GPR176: variants seen among roughly 807,000 people sequenced by gnomAD.
GPR176 encodes G-protein coupled receptor 176.
Under a neutral mutation model 35.4 loss-of-function variants are expected in GPR176, and 26 were observed. The observed-to-expected ratio is 0.74, with a 90% CI of 0.54 to 1.02. The LOEUF (loss-of-function observed/expected upper bound fraction) is 1.02, where lower values mean the gene tolerates loss of function less well. Ranked by LOEUF, GPR176 falls within the 50% of genes least tolerant of loss-of-function variation. GPR176 has a pLI of 0.00. For missense variants in GPR176, 597 were observed against 665.3 expected, an observed-to-expected ratio of 0.90 and a Z score of 1.13; for synonymous variants, 278 against 271.3, an observed-to-expected ratio of 1.02 and a Z score of -0.24.
chr15:39,884,187 A>T (rs2032585772), intron 1 of GPR176, among the ~76,000 whole-genome samples: 1 of 152,200 alleles, frequency 6.6e-6, no homozygotes, highest in Non-Finnish European at 1.5e-5. Context: ...CTGACTTTTG[A>T]CATAATACTC....
intron 1 of GPR176, among the ~76,000 whole-genome samples, chr15:39,865,326 A>G (rs1291632034): frequency 6.6e-6 from 1 of 152,200 alleles, no homozygotes; most frequent in African/African-American, 2.4e-5. Context: ...ATAAATGAAT[A>G]AAGAAAATGT....
At chr15:39,895,962 ACTCT>A (rs748492842) in intron 1 of GPR176, among the ~76,000 whole-genome samples, 1 of 152,114 alleles carries the variant, frequency 6.6e-6, no homozygotes, top group African/African-American at 2.4e-5. Context: ...TTCAAGCAAA[ACTCT>A]CTTCCTAGAA....
At chr15:39,867,728 T>A (rs1351368601) in intron 1 of GPR176, among the ~76,000 whole-genome samples, 2 of 152,052 alleles carry the variant, frequency 1.3e-5, no homozygotes, top group Admixed American at 6.5e-5. Context: ...GGCATATTTA[T>A]GAGGTCAAAC....
chr15:39,883,415 GA>G (rs2032556070), intron 1 of GPR176, among the ~76,000 whole-genome samples: 1 of 151,966 alleles, frequency 6.6e-6, no homozygotes, highest in Non-Finnish European at 1.5e-5. Flanking sequence ...TGAGTAACAT[GA>G]AAAAAGCTAT....
At chr15:39,893,747 T>A (rs1421505824) in intron 1 of GPR176, among the ~76,000 whole-genome samples, 6 of 125,882 alleles carry the variant, frequency 4.8e-5, no homozygotes, top group Non-Finnish European at 6.8e-5. Context: ...CCCCCCCACC[T>A]CCCTCCCGGG....
chr15:39,811,022 C>T (rs1323298078), intron 1 of GPR176, among the ~76,000 whole-genome samples: 1 of 152,116 alleles, frequency 6.6e-6, no homozygotes, highest in Non-Finnish European at 1.5e-5. Context: ...TTAGGAAAGG[C>T]TTTTAACTAA....
At position 39,807,036 on chromosome 15, in the gene GPR176, A is replaced by G; in HGVS notation, c.395T>C (p.Ile132Thr). ...FLHKVFCSVT[I>T]LSFPAIALDR... Reference sequence around the variant, plus strand: ...CAAAGCAATAGCAGGGAAGCTGAGGATGGTCACAGAGCAGAATACTTTGTG... The same window carrying G: ...CAAAGCAATAGCAGGGAAGCTGAGGGTGGTCACAGAGCAGAATACTTTGTG... The change falls in exon 2 of 3, where the codon ATC (isoleucine) becomes ACC (threonine). Residue 132 changes from isoleucine (I) to threonine (T), a missense_variant. By Grantham distance (89) the Ile-to-Thr change is moderately conservative. This residue lies in a region of GPR176 where 220 missense variants were observed against 297.6 expected (regional missense o/e 0.74). Transcript: ENST00000561100. 3 of 1,613,538 alleles carry G rather than the reference A, an allele frequency of 1.9e-6. No homozygotes were observed. The highest frequency in any genetic ancestry group is 2.5e-6 in the Non-Finnish European group (3 of 1,179,692).
intron 1 of GPR176, among the ~76,000 whole-genome samples, chr15:39,893,293 G>C (rs1035556858): frequency 6.6e-6 from 1 of 152,006 alleles, no homozygotes; most frequent in African/African-American, 2.4e-5. Flanking sequence ...AGATTAGGGA[G>C]TGGTGATGAC....
chr15:39,806,997 T>C lies in GPR176; in HGVS notation c.425+9A>G. 1 of 1,573,660 alleles carries C rather than the reference T, an allele frequency of 6.4e-7. No individual in the cohort carries two copies. Among genetic ancestry groups the C allele is most frequent in the Non-Finnish European group, 8.6e-7 (1 of 1,165,228 alleles). ...AAAAAAAAGTTAGCTCCTGGCTACCTGATCTTACCTGTCCAAAGCAATAGC... is the reference window on the plus strand; with the variant it reads ...AAAAAAAAGTTAGCTCCTGGCTACCCGATCTTACCTGTCCAAAGCAATAGC... On this transcript the variant is annotated intron_variant, in intron 2 of 2. Coordinates refer to ENST00000561100, the MANE Select transcript of GPR176 (RefSeq NM_007223.3).
At chr15:39,870,065 G>C (rs866442202) in intron 1 of GPR176, among the ~76,000 whole-genome samples, 8 of 152,118 alleles carry the variant, frequency 5.3e-5, no homozygotes, top group Admixed American at 2.6e-4. Flanking sequence ...CAGCTCTAGG[G>C]GAGAATCTGT....
Position 39,920,144 on chromosome 15 carries a change from G to A in GPR176, c.-118C>T, listed in dbSNP as rs1426091285. 1 of 645,498 alleles carries A rather than the reference G, an allele frequency of 1.5e-6. No homozygotes were observed. The highest frequency in any genetic ancestry group is 2.2e-6 in the Non-Finnish European group (1 of 445,254). The allele number at this position is 645,498 out of a possible 1,614,324, so 40.0% of individuals were successfully genotyped here. A position where few individuals can be genotyped will look rare whatever the true frequency, so the allele number is the denominator to read the frequency against. ...CTGGCGGAGTCCTGGAGAAGCCGGA[G>A]CAGCCGACGGGTCCCCTCACGTCTC... On this transcript the variant is annotated 5_prime_UTR_variant, in exon 1 of 3. Transcript: ENST00000561100.
chr15:39,801,055 T>G lies in GPR176; in HGVS notation c.*77A>C. 1.6e-6 allele frequency: 2 copies of G among 1,268,834 alleles called. No individual in the cohort carries two copies. The highest frequency in any genetic ancestry group is 2.2e-6 in the Non-Finnish European group (2 of 906,754). The allele number at this position is 1,268,834 out of a possible 1,614,324, so 78.6% of individuals were successfully genotyped here. A position where few individuals can be genotyped will look rare whatever the true frequency, so the allele number is the denominator to read the frequency against. On this transcript the variant is annotated 3_prime_UTR_variant, in exon 3 of 3. Coordinates refer to ENST00000561100, the MANE Select transcript of GPR176 (RefSeq NM_007223.3). ...ACTGAGTTGCAAGGAGATCATACAA[T>G]CACATGGCCACAGCATTCCCACACT...
chr15:39,878,109 T>C (rs2032325084), intron 1 of GPR176, among the ~76,000 whole-genome samples: 1 of 150,734 alleles, frequency 6.6e-6, no homozygotes, highest in Non-Finnish European at 1.5e-5. Flanking sequence ...TGTGTGTGTG[T>C]GTGTGTGTGT....
At chr15:39,828,227 C>T (rs1443683065) in intron 1 of GPR176, among the ~76,000 whole-genome samples, 1 of 152,126 alleles carries the variant, frequency 6.6e-6, no homozygotes, top group Admixed American at 6.5e-5. Context: ...TTTCCAGCCC[C>T]GACAGCAAGC....
At position 39,801,689 on chromosome 15, in the gene GPR176, A is replaced by T. The variant is rs1416815752; in HGVS notation, c.991T>A (p.Leu331Met). The change falls in exon 3 of 3, where the codon TTG becomes ATG. Residue 331 changes from leucine (L) to methionine (M), a missense_variant. This residue lies in a region of GPR176 where 251 missense variants were observed against 255.4 expected (regional missense o/e 0.98). Transcript: ENST00000561100. Reference protein sequence around the residue: ...LTVNKSVRKCLIGTLVQLHHR... With the variant: ...LTVNKSVRKCMIGTLVQLHHR... ...TGTAGTTGCACCAGGGTCCCTATCA[A>T]GCACTTGCGGACAGATTTGTTCACA... 1 of 1,613,724 alleles carries T rather than the reference A, an allele frequency of 6.2e-7. No individual in the cohort carries two copies. Among genetic ancestry groups the T allele is most frequent in the Non-Finnish European group, 8.5e-7 (1 of 1,179,768 alleles).
chr15:39,853,037 T>C (rs1052654516), intron 1 of GPR176, among the ~76,000 whole-genome samples: 2 of 152,164 alleles, frequency 1.3e-5, no homozygotes, highest in Non-Finnish European at 2.9e-5. Flanking sequence ...AATAGAACCA[T>C]TATATAATCC....
At chr15:39,886,546 C>G (rs528263923) in intron 1 of GPR176, among the ~76,000 whole-genome samples, 1 of 152,218 alleles carries the variant, frequency 6.6e-6, no homozygotes, top group Non-Finnish European at 1.5e-5. Context: ...AAGTGTGAAG[C>G]CTGAATGATC....
At chr15:39,878,546 C>T (rs2032350248) in intron 1 of GPR176, among the ~76,000 whole-genome samples, 1 of 152,096 alleles carries the variant, frequency 6.6e-6, no homozygotes, top group East Asian at 1.9e-4. Context: ...CAGGTTGACT[C>T]TATATCTTGA....
intron 1 of GPR176, among the ~76,000 whole-genome samples, chr15:39,808,252 A>G (rs1012435003): frequency 4.0e-5 from 6 of 151,828 alleles, no homozygotes; most frequent in Non-Finnish European, 7.4e-5. Context: ...AACTTCTGAT[A>G]CCCCTCTCAA....
Sources: gnomAD v4.1 joint callset for allele counts (sites outside exome capture counted in the v4.1 genomes callset) on GRCh38, gnomAD v4.1.1 for gene constraint, gnomAD v4.1.1 regional missense constraint, MANE v1.5 for transcripts, NCBI Gene and HGNC (gene_info 2026-07-23, HGNC 2026-07-21) for gene names.